LEMD3: variants seen among roughly 807,000 people sequenced by gnomAD.
LEMD3 encodes LEM domain containing 3.
Under a neutral mutation model 95.2 loss-of-function variants are expected in LEMD3, and 33 were observed. The observed-to-expected ratio is 0.35, with a 90% CI of 0.26 to 0.46. The LOEUF is 0.46. Among genes scored for constraint, LEMD3 ranks in the 20% least tolerant of loss-of-function variants. The probability of loss-of-function intolerance (pLI) is 1.00; values close to 1 mark genes in which losing one functional copy is unlikely to be tolerated. For missense variants in LEMD3, 1,210 were observed against 1,192.8 expected (o/e 1.01, Z -0.21); for synonymous variants, 525 against 474.6 (o/e 1.11, Z -1.38).
intron 1 of LEMD3, among the ~76,000 whole-genome samples, chr12:65,185,915 G>A (rs1281724911): frequency 6.6e-6 from 1 of 151,952 alleles, no homozygotes; most frequent in Non-Finnish European, 1.5e-5. Context: ...TTGCCTTGGA[G>A]TTTTCTATCT....
In LEMD3 at chr12:65,170,748, C is replaced by T. The variant is rs971399500; in HGVS notation, c.1152C>T (p.Gly384=). The T allele has an allele frequency of 6.2e-7, 1 of 1,614,236 alleles. No homozygotes were observed. The highest frequency in any genetic ancestry group is 1.6e-4 in the Middle Eastern group (1 of 6,062). ...ACTCAACCTTGGATTCGTCAACAGGCTCCCTTCTGAAAACCAATAATCATA... is the reference window on the plus strand; with the variant it reads ...ACTCAACCTTGGATTCGTCAACAGGTTCCCTTCTGAAAACCAATAATCATA... ...DMDSTLDSST[G]SLLKTNNHIG... is the part of the protein sequence containing the mutation. Residue 384 remains glycine, a synonymous_variant, in exon 1 of 13, where the codon GGC becomes GGT. Coordinates refer to ENST00000308330, the MANE Select transcript of LEMD3 (RefSeq NM_014319.5).
intron 1 of LEMD3, among the ~76,000 whole-genome samples, chr12:65,208,397 C>T (rs1232595146): frequency 6.6e-6 from 1 of 152,052 alleles, no homozygotes; most frequent in Non-Finnish European, 1.5e-5. Flanking sequence ...AGGTCCCTCC[C>T]TAGTTTTCTA....
rs369133002 is a variant in LEMD3, at chr12:65,239,940, G to T, written c.1933G>T (p.Val645Phe). Residue 645 changes from valine (V) to phenylalanine (F), a missense_variant, in exon 7 of 13, where the codon GTT (valine) becomes TTT (phenylalanine). By Grantham distance (50) the Val-to-Phe change is conservative. Transcript: ENST00000308330. Reference protein sequence around the residue: ...LLLLCLGVVMVCVVLRYMKYR... With the variant: ...LLLLCLGVVMFCVVLRYMKYR... ...TATTAATATTACAGGTGTAGTGATGGTTTGTGTCGTTCTGCGTTACATGAA... is the reference window on the plus strand; with the variant it reads ...TATTAATATTACAGGTGTAGTGATGTTTTGTGTCGTTCTGCGTTACATGAA... 6.2e-7 allele frequency: 1 copy of T among 1,607,502 alleles called. No individual in the cohort carries two copies. Among genetic ancestry groups the T allele is most frequent in the Non-Finnish European group, 8.5e-7 (1 of 1,174,152 alleles).
chr12:65,238,339 C>CT (rs917036550), intron 4 of LEMD3, among the ~76,000 whole-genome samples, 163 bp from the exon 5 acceptor site: 1 of 151,370 alleles, frequency 6.6e-6, no homozygotes, highest in East Asian at 1.9e-4. Flanking sequence ...AAAATGCTAA[C>CT]TTTTTTTTTC....
chr12:65,173,544 A>G (rs559963573), intron 1 of LEMD3, among the ~76,000 whole-genome samples: 1 of 152,314 alleles, frequency 6.6e-6, no homozygotes, highest in Non-Finnish European at 1.5e-5. Flanking sequence ...TCATTTTTAT[A>G]TACTAAATGG....
chr12:65,242,517 C>T (rs1870967362), intron 9 of LEMD3, among the ~76,000 whole-genome samples: 1 of 152,190 alleles, frequency 6.6e-6, no homozygotes, highest in African/African-American at 2.4e-5. Flanking sequence ...TGTTCCTAGT[C>T]TAGTTAATGA....
intron 1 of LEMD3, among the ~76,000 whole-genome samples, chr12:65,189,856 A>C (rs1196704235): frequency 6.6e-6 from 1 of 152,174 alleles, no homozygotes; most frequent in Non-Finnish European, 1.5e-5. Context: ...TAGGCTATGA[A>C]GCCATGCTGA....
At chr12:65,244,418 T>C (rs1273579762) in intron 10 of LEMD3, among the ~76,000 whole-genome samples, 1 of 152,086 alleles carries the variant, frequency 6.6e-6, no homozygotes, top group Non-Finnish European at 1.5e-5. Flanking sequence ...TTTTATTACC[T>C]AAGATGAAAA....
chr12:65,226,848 C>A (rs1454438509), intron 4 of LEMD3, among the ~76,000 whole-genome samples: 1 of 152,070 alleles, frequency 6.6e-6, no homozygotes, highest in Non-Finnish European at 1.5e-5. Flanking sequence ...TAGTAGCTTC[C>A]CAATAAATTC....
rs759040154 is a variant in LEMD3 at position 65,171,086 on chromosome 12, G to A, written c.1490G>A (p.Gly497Glu). The A allele has an allele frequency of 1.1e-5, 17 of 1,613,280 alleles. No homozygotes were observed. Among genetic ancestry groups the A allele is most frequent in the Non-Finnish European group, 8.5e-7 (1 of 1,180,020 alleles). The change falls in exon 1 of 13, where the codon GGG becomes GAG. Residue 497 changes from glycine (G) to glutamate (E), a missense_variant. By Grantham distance (98) the Gly-to-Glu change is moderately conservative. This residue lies in a region of LEMD3 where 461 missense variants were observed against 569.8 expected (regional missense o/e 0.81). Transcript: ENST00000308330. ...ILGLTYLGMR[G>E]TGVSEDGELS... ...GGACTGACTTACCTAGGAATGAGAG[G>A]GACAGGAGTATCTGAGGATGGAGAA... is the stretch of plus-strand genomic sequence containing the variant.
chr12:65,221,356 A>G (rs780969907), intron 4 of LEMD3, among the ~76,000 whole-genome samples: 3 of 152,186 alleles, frequency 2.0e-5, no homozygotes, highest in South Asian at 4.1e-4. Flanking sequence ...TTGATTTTAT[A>G]TCTTCCAACT....
intron 1 of LEMD3, among the ~76,000 whole-genome samples, chr12:65,196,335 A>G (rs1336160270): frequency 6.6e-6 from 1 of 152,086 alleles, no homozygotes. Flanking sequence ...CACACCAAAA[A>G]AAACCCCAAA....
chr12:65,181,394 A>T (rs572883544), intron 1 of LEMD3, among the ~76,000 whole-genome samples: 18 of 152,292 alleles, frequency 1.2e-4, no homozygotes, highest in Middle Eastern at 3.4e-3. Flanking sequence ...AGTATATATC[A>T]TACCTTTTAG....
Position 65,245,764 on chromosome 12 carries a change from A to T in LEMD3, c.2483A>T (p.Asn828Ile). ...DGIVHIAVDK[N>I]SREGCVYVKC... ...ATTGTTCACATTGCAGTAGACAAAA[A>T]TTCACGTGAGGTAAAGTAACTTTTG... The change falls in exon 11 of 13, where the codon AAT becomes ATT. Residue 828 changes from asparagine (N) to isoleucine (I), a missense_variant. Around this residue, in one of 2 missense-constraint regions of LEMD3, gnomAD observed 461 missense variants for 569.8 expected, o/e 0.81. Coordinates refer to ENST00000308330, the MANE Select transcript of LEMD3 (RefSeq NM_014319.5). The T allele has an allele frequency of 6.2e-7, 1 of 1,613,106 alleles. No individual in the cohort carries two copies. Among genetic ancestry groups the T allele is most frequent in the Non-Finnish European group, 8.5e-7 (1 of 1,179,148 alleles).
intron 1 of LEMD3, among the ~76,000 whole-genome samples, chr12:65,198,802 A>G (rs1869508751): frequency 6.6e-6 from 1 of 152,070 alleles, no homozygotes; most frequent in African/African-American, 2.4e-5. Context: ...AATTTGTATT[A>G]TTTTGTATTG....
chr12:65,200,853 C>G (rs75067516), intron 1 of LEMD3, among the ~76,000 whole-genome samples: 5,710 of 152,032 alleles, frequency 0.038, 351 homozygotes, highest in African/African-American at 0.13. Context: ...TATGTGTTTG[C>G]TGTTGTATCT....
At position 65,170,527 on chromosome 12, in the gene LEMD3, C is replaced by G; in HGVS notation, c.931C>G (p.Gln311Glu). Residue 311 changes from glutamine to glutamate, a missense_variant, in exon 1 of 13, where the codon CAG becomes GAG. Transcript: ENST00000308330. ...CGGCGGCAGGCTGGAGACTTCAGTT[C>G]AGGGAGGGGGAGGACTCGCGATGAA... ...SAGGRLETSV[Q>E]GGGGLAMNDR... The G allele has an allele frequency of 1.9e-6, 3 of 1,614,088 alleles. No homozygotes were observed. Among genetic ancestry groups the G allele is most frequent in the Non-Finnish European group, 2.5e-6 (3 of 1,180,020 alleles).
intron 1 of LEMD3, among the ~76,000 whole-genome samples, chr12:65,187,991 A>G (rs986215003): frequency 1.3e-5 from 2 of 152,126 alleles, no homozygotes; most frequent in Admixed American, 6.6e-5. Flanking sequence ...TTCACTGTTT[A>G]TTTAAAATGG....
At chr12:65,223,771 A>G (rs1870363998) in intron 4 of LEMD3, among the ~76,000 whole-genome samples, 1 of 148,178 alleles carries the variant, frequency 6.7e-6, no homozygotes, top group Non-Finnish European at 1.5e-5. Flanking sequence ...TTTTTGTTGA[A>G]TATTTTCTCT....
Sources: gnomAD v4.1 joint callset for allele counts (sites outside exome capture counted in the v4.1 genomes callset) on GRCh38, gnomAD v4.1.1 for gene constraint, gnomAD v4.1.1 regional missense constraint, MANE v1.5 for transcripts, NCBI Gene and HGNC (gene_info 2026-07-23, HGNC 2026-07-21) for gene names.